Variants in KCNU1 observed in about 807,000 individuals in gnomAD.
KCNU1 encodes potassium channel subfamily U member 1.
In KCNU1, 93 loss-of-function variants were observed where a neutral mutation model predicts 126.8. The ratio of observed to expected loss-of-function variants is 0.73; its 90% CI spans 0.62 to 0.87. KCNU1 has a LOEUF of 0.87. Among genes scored for constraint, KCNU1 ranks in the 40% least tolerant of loss-of-function variants. The pLI, the probability that KCNU1 is intolerant of heterozygous loss-of-function variation, is 0.00. For missense variants in KCNU1, 1,330 were observed against 1,367.1 expected, an observed-to-expected ratio of 0.97 and a Z score of 0.43; for synonymous variants, 523 against 494.2, an observed-to-expected ratio of 1.06 and a Z score of -0.77.
At chr8:36,811,694 G>C (rs1352777921) in intron 7 of KCNU1, among the ~76,000 whole-genome samples, 2 of 152,310 alleles carry the variant, frequency 1.3e-5, no homozygotes, top group Admixed American at 6.5e-5. Flanking sequence ...CACTTTGGGA[G>C]GCCAGGGGAG....
rs367795984 is a variant in KCNU1 at position 36,922,457 on chromosome 8, G to T, written c.2597-33G>T. The T allele has an allele frequency of 3.3e-5, 52 of 1,599,824 alleles. No homozygotes were observed. In the African/African-American group the frequency reaches 6.2e-4, roughly 19 times the overall value. ...ACTTCTTATATTCTTAACCTGATCT[G>T]CTTGTCTTTCCTTTTTGCCTCTTGC... On this transcript the variant is annotated intron_variant, in intron 23 of 26. Coordinates refer to ENST00000399881, the MANE Select transcript of KCNU1 (RefSeq NM_001031836.3).
At chr8:36,849,343 C>T (rs1805262590) in intron 18 of KCNU1, among the ~76,000 whole-genome samples, 1 of 152,148 alleles carries the variant, frequency 6.6e-6, no homozygotes, top group Non-Finnish European at 1.5e-5. Context: ...AATCCCAGCA[C>T]TTTGGGAGGC....
chr8:36,840,322 A>G (rs1389245742), intron 14 of KCNU1, 141 bp from the exon 15 acceptor site: 1 of 574,186 alleles, frequency 1.7e-6, no homozygotes, highest in Non-Finnish European at 3.1e-6. Flanking sequence ...ACATTTCTCT[A>G]GTTAAGCACT....
At chr8:36,798,574 G>T (rs562306707) in intron 2 of KCNU1, among the ~76,000 whole-genome samples, 1 of 152,264 alleles carries the variant, frequency 6.6e-6, no homozygotes, top group South Asian at 2.1e-4. Flanking sequence ...GTCATCTATT[G>T]TCTCTGAGGG....
chr8:36,920,709 T>C (rs1808307463), intron 23 of KCNU1, among the ~76,000 whole-genome samples: 1 of 152,132 alleles, frequency 6.6e-6, no homozygotes, highest in Non-Finnish European at 1.5e-5. Context: ...TCATGGGATA[T>C]TTGTGTGTGT....
At chr8:36,922,273 T>C (rs572292288) in intron 23 of KCNU1, among the ~76,000 whole-genome samples, 3 of 151,902 alleles carry the variant, frequency 2.0e-5, no homozygotes, top group African/African-American at 7.2e-5. Flanking sequence ...CCCTTGATGG[T>C]GAATGTACCC....
At chr8:36,796,069 A>T (rs1803086194) in intron 2 of KCNU1, among the ~76,000 whole-genome samples, 1 of 152,162 alleles carries the variant, frequency 6.6e-6, no homozygotes, top group Non-Finnish European at 1.5e-5. Context: ...TCTGCAAGTA[A>T]TGCTCTTATT....
At chr8:36,930,382 T>A (rs547689990) in intron 24 of KCNU1, among the ~76,000 whole-genome samples, 10 of 152,256 alleles carry the variant, frequency 6.6e-5, no homozygotes, top group African/African-American at 2.4e-4. Flanking sequence ...CATTTAATTA[T>A]TAAACACCTA....
At chr8:36,931,675 A>G (rs955506219) in intron 25 of KCNU1, among the ~76,000 whole-genome samples, 1 of 152,074 alleles carries the variant, frequency 6.6e-6, no homozygotes, top group Non-Finnish European at 1.5e-5. Context: ...CAGCTACAGC[A>G]GTTTGACCCT....
At chr8:36,909,627 C>G (rs13257544) in intron 21 of KCNU1, 92 bp downstream of exon 21, 297,425 of 763,302 alleles carry the variant, frequency 0.39, 59,012 homozygotes, top group Admixed American at 0.48. Flanking sequence ...GTTCTACAGT[C>G]CTTGCCAGAT....
chr8:36,847,046 T>G (rs1335902657), intron 18 of KCNU1, among the ~76,000 whole-genome samples: 2 of 152,146 alleles, frequency 1.3e-5, no homozygotes, highest in East Asian at 3.9e-4. Context: ...CTCATTAACT[T>G]TGGTCTGTAA....
chr8:36,870,002 G>A (rs1806043640), intron 19 of KCNU1, among the ~76,000 whole-genome samples: 1 of 152,148 alleles, frequency 6.6e-6, no homozygotes, highest in African/African-American at 2.4e-5. Flanking sequence ...GATCTACGAT[G>A]CAGTAGTTAC....
intron 20 of KCNU1, among the ~76,000 whole-genome samples, chr8:36,908,596 A>G (rs1183705859): frequency 6.8e-6 from 1 of 146,844 alleles, no homozygotes; most frequent in Non-Finnish European, 1.5e-5. Context: ...AGACAATCAA[A>G]CACCGCATAT....
intron 18 of KCNU1, among the ~76,000 whole-genome samples, chr8:36,862,561 C>T (rs973676447): frequency 6.6e-6 from 1 of 152,142 alleles, no homozygotes; most frequent in Non-Finnish European, 1.5e-5. Context: ...GTTCTGTCCA[C>T]CCCACACACA....
chr8:36,902,927 G>A (rs1807476251), intron 19 of KCNU1, among the ~76,000 whole-genome samples: 1 of 152,064 alleles, frequency 6.6e-6, no homozygotes, highest in Non-Finnish European at 1.5e-5. Flanking sequence ...AACCCATTTT[G>A]GTCAAGCTGA....
intron 19 of KCNU1, among the ~76,000 whole-genome samples, chr8:36,899,877 C>T (rs892331120): frequency 1.3e-5 from 2 of 152,120 alleles, no homozygotes; most frequent in Admixed American, 6.6e-5. Context: ...AAACAAGTAT[C>T]GCCATTTGGG....
At chr8:36,882,555 G>A (rs966421352) in intron 19 of KCNU1, among the ~76,000 whole-genome samples, 5 of 152,068 alleles carry the variant, frequency 3.3e-5, no homozygotes, top group African/African-American at 1.2e-4. Flanking sequence ...TGGCAGCACT[G>A]AGCCCCCATA....
chr8:36,841,928 G>A (rs771332628), intron 16 of KCNU1, among the ~76,000 whole-genome samples: 25 of 151,764 alleles, frequency 1.6e-4, no homozygotes, highest in Non-Finnish European at 2.1e-4. Context: ...TGGAAGAAAA[G>A]GTGGAAAAGA....
intron 25 of KCNU1, 150 bp downstream of exon 25, chr8:36,931,295 T>C: frequency 2.1e-6 from 1 of 478,584 alleles, no homozygotes; most frequent in East Asian, 3.3e-5. Flanking sequence ...GTTTATATTA[T>C]TCATAGAGTA....
Sources: allele counts gnomAD v4.1 joint callset (sites outside exome capture counted in the v4.1 genomes callset), GRCh38; gene constraint gnomAD v4.1.1; transcripts MANE v1.5; gene names NCBI Gene and HGNC (gene_info 2026-07-23, HGNC 2026-07-21).